Variants in TRAFD1 observed in about 807,000 individuals in gnomAD.
TRAFD1 encodes TRAF-type zinc finger domain-containing protein 1.
In TRAFD1, 38 loss-of-function variants were observed where a neutral mutation model predicts 65.3. The ratio of observed to expected loss-of-function variants is 0.58; its 90% CI spans 0.45 to 0.76. The LOEUF (loss-of-function observed/expected upper bound fraction) is 0.76. TRAFD1 is among the 30% of genes least tolerant of loss of function. The pLI is 0.00. For synonymous variants in TRAFD1, 223 were observed against 257.2 expected, an observed-to-expected ratio of 0.87 and a Z score of 1.27; for missense variants, 631 against 712.6, an observed-to-expected ratio of 0.89 and a Z score of 1.30.
intron 1 of TRAFD1, among the ~76,000 whole-genome samples, chr12:112,126,933 C>T (rs1284940224): frequency 6.6e-6 from 1 of 152,194 alleles, no homozygotes; most frequent in East Asian, 1.9e-4. Context: ...GGATTACAGG[C>T]GTGAGCTGCT....
In TRAFD1 at chr12:112,152,765, G is replaced by A; in HGVS notation, c.1723G>A (p.Asp575Asn). Residue 575 changes from aspartate to asparagine, a missense_variant, in exon 12 of 12, where the codon GAT (aspartate) becomes AAT (asparagine). Coordinates refer to ENST00000412615, the MANE Select transcript of TRAFD1 (RefSeq NM_006700.3). This position sits in a 1 kb window ranked among gnomAD's most constrained non-coding sequence, Gnocchi z 5.0. ...AKPSKQQGAG[D>N]AEEEEEE ...GCCTTCCAAGCAACAGGGAGCTGGG[G>A]ATGCAGAAGAGGAAGAGGAGGAGTA... is the stretch of plus-strand genomic sequence containing the variant. 1 of 1,614,228 alleles carries A rather than the reference G, an allele frequency of 6.2e-7. No individual in the cohort carries two copies. The highest frequency in any genetic ancestry group is 2.2e-5 in the East Asian group (1 of 44,890).
At chr12:112,145,902 A>G (rs2030226886) in intron 7 of TRAFD1, among the ~76,000 whole-genome samples, 2 of 151,980 alleles carry the variant, frequency 1.3e-5, no homozygotes, top group South Asian at 2.1e-4. Flanking sequence ...CATCATTCTC[A>G]GTAAACTATC....
chr12:112,135,092 G>A, intron 4 of TRAFD1, 26 bp downstream of exon 4: 1 of 1,614,000 alleles, frequency 6.2e-7, no homozygotes, highest in Non-Finnish European at 8.5e-7. Flanking sequence ...GAGTTACCGT[G>A]GGCCCAGTCC....
intron 1 of TRAFD1, among the ~76,000 whole-genome samples, chr12:112,126,593 A>C (rs2079539238): frequency 6.6e-6 from 1 of 152,122 alleles, no homozygotes; most frequent in African/African-American, 2.4e-5. Flanking sequence ...AGTGGGCTGG[A>C]ATAGAGCACA....
chr12:112,151,895 G>A lies in TRAFD1; in HGVS notation c.1374G>A (p.Met458Ile), dbSNP rs775316340. The change falls in exon 10 of 12, where the codon ATG becomes ATA. Residue 458 changes from methionine (M) to isoleucine (I), a missense_variant. By Grantham distance (10) the Met-to-Ile change is conservative. Transcript: ENST00000412615. ...CLPPSRPINN[M>I]TATYNQLSRS... is the part of the protein sequence containing the mutation. ...CTCCCAGCCGACCCATTAACAATAT[G>A]ACAGCTACCTATAACCAGCTATCGA... 2 of 1,614,134 alleles carry A rather than the reference G, an allele frequency of 1.2e-6. No homozygotes were observed. Among genetic ancestry groups the A allele is most frequent in the Non-Finnish European group, 1.7e-6 (2 of 1,180,032 alleles).
At chr12:112,148,039 A>T (rs1422468783) in intron 7 of TRAFD1, 35 bp from the exon 8 acceptor site, 4 of 1,553,680 alleles carry the variant, frequency 2.6e-6, no homozygotes, top group Non-Finnish European at 2.6e-6. Context: ...TTAACCTCTG[A>T]TTCTTGTTTT....
At chr12:112,138,508 C>G (rs552681248) in intron 4 of TRAFD1, among the ~76,000 whole-genome samples, 1 of 151,748 alleles carries the variant, frequency 6.6e-6, no homozygotes. Context: ...CAAGATCACA[C>G]CACTGCACTC....
At chr12:112,131,337 A>G (rs765718395) in intron 2 of TRAFD1, among the ~76,000 whole-genome samples, 3 of 152,240 alleles carry the variant, frequency 2.0e-5, no homozygotes, top group Non-Finnish European at 4.4e-5. Context: ...AGATACACCT[A>G]TTTTATCAGT....
chr12:112,128,850 G>C (rs1236976817), intron 1 of TRAFD1, among the ~76,000 whole-genome samples: 1 of 151,950 alleles, frequency 6.6e-6, no homozygotes, highest in Non-Finnish European at 1.5e-5. Flanking sequence ...AGACCAGCCT[G>C]GTCAACATGG....
intron 2 of TRAFD1, among the ~76,000 whole-genome samples, chr12:112,131,420 GT>G (rs1468653023): frequency 1.3e-5 from 2 of 152,190 alleles, no homozygotes; most frequent in East Asian, 1.9e-4. Flanking sequence ...TAAAGGGTGA[GT>G]TAATGGAAAG....
At chr12:112,144,762 A>G (rs1189967317) in intron 6 of TRAFD1, among the ~76,000 whole-genome samples, 1 of 152,204 alleles carries the variant, frequency 6.6e-6, no homozygotes, top group Non-Finnish European at 1.5e-5. Context: ...ACACACCTGT[A>G]GTCTCAGCTA....
intron 6 of TRAFD1, 142 bp downstream of exon 6, chr12:112,142,437 G>T (rs2030121684): frequency 9.9e-7 from 1 of 1,005,048 alleles, no homozygotes; most frequent in East Asian, 2.7e-5. Flanking sequence ...TTCTTTTTTG[G>T]GACAGTCTCG....
rs1302386240 is a variant in TRAFD1 at position 112,130,372 on chromosome 12, A to C, written c.-12-139A>C. ...TTTTAAAATAAGAAAATCCCAAGGG[A>C]CTGGATATTGAATAAAATGCTTTAA... On this transcript the variant is annotated intron_variant, in intron 1 of 11. Coordinates refer to ENST00000412615, the MANE Select transcript of TRAFD1 (RefSeq NM_006700.3). The surrounding 1 kb of genome is among the most constrained non-coding windows in gnomAD (Gnocchi z 4.4). 1 of 535,538 alleles carries C rather than the reference A, an allele frequency of 1.9e-6. No individual in the cohort carries two copies. 33.2% of individuals were successfully genotyped at this position (535,538 alleles called of 1,614,324 possible). A position where few individuals can be genotyped will look rare whatever the true frequency, so the allele number is the denominator to read the frequency against.
intron 1 of TRAFD1, among the ~76,000 whole-genome samples, chr12:112,129,193 A>ATTTT (rs56949881): frequency 7.4e-5 from 6 of 81,360 alleles, no homozygotes; most frequent in East Asian, 6.2e-4. Context: ...TGGGATGGTG[A>ATTTT]TTTTTTTTTT....
chr12:112,141,355 C>T (rs1311583914), intron 5 of TRAFD1, 131 bp downstream of exon 5: 3 of 1,014,398 alleles, frequency 3.0e-6, no homozygotes, highest in Non-Finnish European at 4.2e-6. Context: ...GGGAAGAATA[C>T]CTCTCTTTCC....
intron 1 of TRAFD1, among the ~76,000 whole-genome samples, chr12:112,126,603 A>C (rs1036865915): frequency 6.6e-5 from 10 of 151,648 alleles, no homozygotes; most frequent in Admixed American, 3.9e-4. Flanking sequence ...AATAGAGCAC[A>C]CCTGAAATCA....
At chr12:112,150,204 C>T (rs1441269413) in intron 9 of TRAFD1, among the ~76,000 whole-genome samples, 2 of 152,068 alleles carry the variant, frequency 1.3e-5, no homozygotes, top group African/African-American at 2.4e-5. Flanking sequence ...ACCCTGGGCC[C>T]CCATTTCAAG....
intron 7 of TRAFD1, among the ~76,000 whole-genome samples, chr12:112,147,084 C>T (rs1009169768): frequency 6.9e-6 from 1 of 144,562 alleles, no homozygotes; most frequent in Non-Finnish European, 1.5e-5. Flanking sequence ...ACTGCAACCT[C>T]TGCCTCCGGG....
At chr12:112,144,330 C>T (rs540680410) in intron 6 of TRAFD1, among the ~76,000 whole-genome samples, 1 of 150,864 alleles carries the variant, frequency 6.6e-6, no homozygotes, top group African/African-American at 2.4e-5. Context: ...AGTGCCATGG[C>T]GCGATCTTGG....
Sources: allele counts gnomAD v4.1 joint callset (sites outside exome capture counted in the v4.1 genomes callset), GRCh38; gene constraint gnomAD v4.1.1; non-coding constraint Gnocchi (gnomAD v3.1); transcripts MANE v1.5; gene names NCBI Gene and HGNC (gene_info 2026-07-23, HGNC 2026-07-21).